TRPM8: variants seen among roughly 807,000 people sequenced by gnomAD.
TRPM8 encodes the protein transient receptor potential cation channel subfamily M member 8.
A neutral mutation model predicts 133.7 loss-of-function variants in TRPM8; 110 were observed. The observed-to-expected ratio is 0.82, with a 90% CI of 0.70 to 0.96. TRPM8 has a LOEUF of 0.96. TRPM8 is among the 40% of genes least tolerant of loss of function. The pLI is 0.00. For synonymous variants in TRPM8, 535 were observed against 532.3 expected, an observed-to-expected ratio of 1.01 and a Z score of -0.07; for missense variants, 1,291 against 1,379.5, an observed-to-expected ratio of 0.94 and a Z score of 1.02.
At chr2:234,008,694 A>G (rs972886189) in intron 24 of TRPM8, among the ~76,000 whole-genome samples, 29 of 152,276 alleles carry the variant, frequency 1.9e-4, no homozygotes, top group Admixed American at 1.7e-3. Context: ...GGCATCCCGG[A>G]TGATGACATT....
At chr2:234,012,489 G>T (rs918280866) in intron 24 of TRPM8, among the ~76,000 whole-genome samples, 51 of 151,850 alleles carry the variant, frequency 3.4e-4, no homozygotes, top group African/African-American at 1.2e-3. Context: ...GTGTGTGTGT[G>T]TGTGTGTGAG....
At chr2:233,937,305 A>G (rs1690777246) in intron 3 of TRPM8, 48 bp from the exon 4 acceptor site, 5 of 1,603,462 alleles carry the variant, frequency 3.1e-6, no homozygotes, top group Admixed American at 1.7e-5. Flanking sequence ...TTCCATAAGC[A>G]GGCTCAATGA....
At chr2:233,926,734 CT>C in intron 2 of TRPM8, 80 bp downstream of exon 2, 1 of 1,058,260 alleles carries the variant, frequency 9.4e-7, no homozygotes, top group Non-Finnish European at 1.4e-6. Flanking sequence ...TGCACATTGA[CT>C]TTTAGAACAT....
At chr2:233,964,886 C>T in intron 14 of TRPM8, 129 bp downstream of exon 14, 1 of 932,940 alleles carries the variant, frequency 1.1e-6, no homozygotes, top group Non-Finnish European at 1.5e-6. Context: ...TGATTGAGGG[C>T]TGCAGACCAC....
At chr2:233,997,569 T>A (rs969120305) in intron 22 of TRPM8, among the ~76,000 whole-genome samples, 1 of 152,158 alleles carries the variant, frequency 6.6e-6, no homozygotes, top group Non-Finnish European at 1.5e-5. Flanking sequence ...TTGAAACTGA[T>A]CCTTGATTGT....
rs549919869 is a variant in TRPM8 at position 233,981,282 on chromosome 2, T to C, written c.2448-492T>C. On this transcript the variant is annotated intron_variant, in intron 18 of 25. Coordinates refer to ENST00000324695, the MANE Select transcript of TRPM8 (RefSeq NM_024080.5). ...AGCCACAGTTGGTTGGATATGATTC[T>C]AGATCACTCCAGTTAGAAAGCACAG... Among the ~76,000 whole-genome samples the C allele has an allele frequency of 2.2e-4, 33 of 152,318 alleles. No individual in the cohort carries two copies. The Middle Eastern group carries it at 0.01, about 47-fold the overall frequency.
intron 9 of TRPM8, among the ~76,000 whole-genome samples, chr2:233,951,035 TACAA>T (rs67334712): frequency 0.19 from 28,229 of 150,616 alleles, 3,145 homozygotes; most frequent in East Asian, 0.43. Flanking sequence ...ACCCCGTCCC[TACAA>T]ACAAACAAAC....
At chr2:233,957,620 G>T (rs1691325073) in intron 11 of TRPM8, among the ~76,000 whole-genome samples, 2 of 152,126 alleles carry the variant, frequency 1.3e-5, no homozygotes, top group African/African-American at 4.8e-5. Context: ...ATAATCAAAA[G>T]ATATCATTTT....
chr2:233,984,165 G>A (rs1054587021), intron 20 of TRPM8, among the ~76,000 whole-genome samples: 1 of 152,188 alleles, frequency 6.6e-6, no homozygotes, highest in African/African-American at 2.4e-5. Flanking sequence ...CTCATGTGCT[G>A]TGTGCCCCCG....
intron 3 of TRPM8, chr2:233,933,650 A>G (rs1451145763): frequency 4.6e-5 from 7 of 152,274 alleles, no homozygotes; most frequent in Admixed American, 4.6e-4. Flanking sequence ...GGTCAAGGTC[A>G]CCTGTGACAC....
intron 17 of TRPM8, among the ~76,000 whole-genome samples, chr2:233,970,730 T>A (rs1267795800): frequency 6.6e-6 from 1 of 152,178 alleles, no homozygotes; most frequent in Non-Finnish European, 1.5e-5. Context: ...AACCCACTGC[T>A]GTCATCAGGA....
At chr2:233,994,567 G>A (rs1320482976) in intron 21 of TRPM8, among the ~76,000 whole-genome samples, 1 of 152,196 alleles carries the variant, frequency 6.6e-6, no homozygotes. Context: ...CGGGATCCAG[G>A]CCCTAGTGTA....
chr2:233,947,133 G>A lies in TRPM8; in HGVS notation c.920G>A (p.Gly307Glu), dbSNP rs777017421. The A allele has an allele frequency of 6.2e-7, 1 of 1,614,124 alleles. No homozygotes were observed. The highest frequency in any genetic ancestry group is 8.5e-7 in the Non-Finnish European group (1 of 1,179,978). The change falls in exon 8 of 26, where the codon GGA (glycine) becomes GAA (glutamate). Residue 307 changes from glycine (G) to glutamate (E), a missense_variant. Coordinates refer to ENST00000324695, the MANE Select transcript of TRPM8 (RefSeq NM_024080.5). ...ATCCCCATTGTGTGTTTTGCCCAAGGAGGTGGAAAAGAGACTTTGAAAGTG... is the reference window on the plus strand; with the variant it reads ...ATCCCCATTGTGTGTTTTGCCCAAGAAGGTGGAAAAGAGACTTTGAAAGTG... ...GKIPIVCFAQ[G>E]GGKETLKAIN...
chr2:233,952,502 G>A (rs1691193342), intron 9 of TRPM8, among the ~76,000 whole-genome samples: 1 of 152,096 alleles, frequency 6.6e-6, no homozygotes, highest in Middle Eastern at 3.4e-3. Context: ...CATGTGCAAA[G>A]GTCCTGAGGT....
At chr2:233,935,096 C>G (rs923146313) in intron 3 of TRPM8, among the ~76,000 whole-genome samples, 1 of 152,170 alleles carries the variant, frequency 6.6e-6, no homozygotes, top group South Asian at 2.1e-4. Context: ...AGGATACAAA[C>G]CATTTAAAAG....
At chr2:234,012,455 GT>G (rs1341001958) in intron 24 of TRPM8, among the ~76,000 whole-genome samples, 2 of 145,116 alleles carry the variant, frequency 1.4e-5, no homozygotes, top group African/African-American at 2.6e-5. Context: ...AGTCCTAACA[GT>G]TTTTTTTTGT....
At chr2:233,920,855 A>AT (rs10685994) in intron 1 of TRPM8, among the ~76,000 whole-genome samples, 14,857 of 129,234 alleles carry the variant, frequency 0.11, 1,097 homozygotes, top group East Asian at 0.31. Flanking sequence ...AGATTTCACC[A>AT]TTTTTTTTTT....
chr2:233,965,085 A>G (rs1691534895), intron 14 of TRPM8, among the ~76,000 whole-genome samples: 1 of 151,392 alleles, frequency 6.6e-6, no homozygotes, highest in Admixed American at 6.6e-5. Flanking sequence ...ATGCCGTTAC[A>G]ACATTGTGAC....
At chr2:233,964,008 A>G (rs188231578) in intron 13 of TRPM8, among the ~76,000 whole-genome samples, 1 of 152,116 alleles carries the variant, frequency 6.6e-6, no homozygotes, top group Non-Finnish European at 1.5e-5. Context: ...TTATATGGTA[A>G]TTCTATGTTC....
Sources: gnomAD v4.1 joint callset for allele counts (sites outside exome capture counted in the v4.1 genomes callset) on GRCh38, gnomAD v4.1.1 for gene constraint, MANE v1.5 for transcripts, NCBI Gene and HGNC (gene_info 2026-07-23, HGNC 2026-07-21) for gene names.